Variants in PHLDB2 observed in about 807,000 individuals in gnomAD.
PHLDB2 encodes pleckstrin homology like domain family B member 2.
A neutral mutation model predicts 123.6 loss-of-function variants in PHLDB2; 71 were observed. The observed-to-expected ratio is 0.57, with a 90% CI of 0.47 to 0.70. PHLDB2 has a LOEUF of 0.70. Ranked by LOEUF, PHLDB2 falls within the 30% of genes least tolerant of loss-of-function variation. The probability of loss-of-function intolerance (pLI) is 0.00; values close to 1 mark genes in which losing one functional copy is unlikely to be tolerated. For missense variants in PHLDB2, 1,446 were observed against 1,519.5 expected, an observed-to-expected ratio of 0.95 and a Z score of 0.80; for synonymous variants, 547 against 541.6, an observed-to-expected ratio of 1.01 and a Z score of -0.14.
intron 2 of PHLDB2, among the ~76,000 whole-genome samples, chr3:111,896,229 A>T (rs533564984): frequency 9.2e-5 from 14 of 152,314 alleles, no homozygotes; most frequent in Admixed American, 7.2e-4. Flanking sequence ...TTGGGATTAC[A>T]GGCGTGAGCC....
intron 2 of PHLDB2, among the ~76,000 whole-genome samples, chr3:111,846,640 A>G (rs1358278521): frequency 6.6e-6 from 1 of 152,134 alleles, no homozygotes; most frequent in East Asian, 1.9e-4. Flanking sequence ...TCATTTACTC[A>G]TTGTGCTAAG....
intron 5 of PHLDB2, among the ~76,000 whole-genome samples, chr3:111,923,991 C>CCAGCCTTTCTGTCAG: frequency 6.6e-6 from 1 of 152,254 alleles, no homozygotes. Context: ...TGATCTGTCA[C>CCAGCCTTTCTGTCAG]CAGCCTTTCT....
chr3:111,955,488 G>A (rs926986401), intron 12 of PHLDB2, among the ~76,000 whole-genome samples: 1 of 151,994 alleles, frequency 6.6e-6, no homozygotes, highest in African/African-American at 2.4e-5. Context: ...TCACTCTGTT[G>A]TCCAGGCTGG....
chr3:111,781,473 C>T (rs2060474761), intron 1 of PHLDB2, among the ~76,000 whole-genome samples: 1 of 152,064 alleles, frequency 6.6e-6, no homozygotes, highest in African/African-American at 2.4e-5. Flanking sequence ...TGTAATGCTC[C>T]AATACCAATA....
chr3:111,754,274 A>G (rs1479246806), intron 1 of PHLDB2, among the ~76,000 whole-genome samples: 1 of 144,010 alleles, frequency 6.9e-6, no homozygotes, highest in Non-Finnish European at 1.5e-5. Flanking sequence ...GATTCTTCCT[A>G]CCCATGAGCA....
At chr3:111,818,452 C>T (rs2108382791) in intron 1 of PHLDB2, among the ~76,000 whole-genome samples, 1 of 152,232 alleles carries the variant, frequency 6.6e-6, no homozygotes, top group East Asian at 1.9e-4. Flanking sequence ...TACAAAGTCT[C>T]AAATCTTCTA....
At chr3:111,746,982 C>T (rs1176177218) in intron 1 of PHLDB2, among the ~76,000 whole-genome samples, 1 of 152,120 alleles carries the variant, frequency 6.6e-6, no homozygotes, top group Non-Finnish European at 1.5e-5. Context: ...AACGTTTCCA[C>T]CTAGAATTCT....
rs768541883 is a variant in PHLDB2 at position 111,913,659 on chromosome 3, C to T, written c.1676C>T (p.Pro559Leu). Residue 559 changes from proline (P) to leucine (L), a missense_variant, in exon 3 of 18, where the codon CCG (proline) becomes CTG (leucine). Transcript: ENST00000431670. ...RTPPPPSSTF[P>L]KASSESSYLS... ...CCTCCACCACCATCCTCCACCTTTC[C>T]GAAAGCTTCCAGCGAGTCCTCTTAT... 8.1e-6 allele frequency: 13 copies of T among 1,613,690 alleles called. No homozygotes were observed. The highest frequency in any genetic ancestry group is 2.7e-5 in the African/African-American group (2 of 74,892).
chr3:111,899,745 A>G (rs1045212167), intron 2 of PHLDB2, among the ~76,000 whole-genome samples: 4 of 152,150 alleles, frequency 2.6e-5, no homozygotes. Context: ...TAAGTCCTAG[A>G]TGGCATCTTC....
chr3:111,952,736 G>T (rs766285006), intron 11 of PHLDB2, 24 bp downstream of exon 11: 1 of 1,601,938 alleles, frequency 6.2e-7, no homozygotes, highest in Non-Finnish European at 8.5e-7. Context: ...GAAACCACGG[G>T]CTTCCCATTC....
Position 111,885,153 on chromosome 3 carries a change from A to G in PHLDB2, c.1076A>G (p.Tyr359Cys). The stretch of plus-strand genomic sequence containing the variant: ...TCTGATGACTTTGATCAGGCTTCAT[A>G]TGTGGGGACAAACCCGAGTCATTCA... The part of the protein sequence containing the change: ...CASDDFDQAS[Y>C]VGTNPSHSLL... Residue 359 changes from tyrosine (Y) to cysteine (C), a missense_variant, in exon 2 of 18, where the codon TAT becomes TGT. This residue lies in a region of PHLDB2 where 832 missense variants were observed against 831.9 expected (regional missense o/e 1.00). Coordinates refer to ENST00000431670, the MANE Select transcript of PHLDB2 (RefSeq NM_001134438.2). 6.2e-6 allele frequency: 10 copies of G among 1,614,018 alleles called. No homozygotes were observed. Among genetic ancestry groups the G allele is most frequent in the Non-Finnish European group, 7.6e-6 (9 of 1,180,002 alleles).
chr3:111,855,829 G>C (rs748624563), upstream of PHLDB2, among the ~76,000 whole-genome samples: 8 of 151,840 alleles, frequency 5.3e-5, no homozygotes, highest in African/African-American at 1.2e-4. Context: ...GACGGGTTTT[G>C]CCATGTTGGC....
intron 1 of PHLDB2, among the ~76,000 whole-genome samples, chr3:111,776,255 C>A (rs2060266291): frequency 1.3e-5 from 2 of 152,102 alleles, no homozygotes; most frequent in Non-Finnish European, 1.5e-5. Context: ...CATTCCACAT[C>A]TCTTTGTCAA....
rs745319811 is a variant in PHLDB2 at position 111,869,711 on chromosome 3, G to GTGTT, written c.-15+10138_-15+10139insTTGT. ...ACAGCATGTGTGTCTGTCTCTGTGT[G>GTGTT]TGTGTGTGTGTGTGTGTGTGTCTAC... On this transcript the variant is annotated intron_variant, in intron 1 of 17. Coordinates refer to ENST00000431670, the MANE Select transcript of PHLDB2 (RefSeq NM_001134438.2). 4.0e-3 allele frequency among the ~76,000 whole-genome samples: 130 copies of GTGTT among 32,668 alleles called. No homozygotes were observed. In the Middle Eastern group the frequency reaches 0.083, roughly 21 times the overall value. 21.4% of individuals were successfully genotyped at this position (32,668 alleles called of 152,430 possible). A position where few individuals can be genotyped will look rare whatever the true frequency, so the allele number is the denominator to read the frequency against.
intron 2 of PHLDB2, among the ~76,000 whole-genome samples, chr3:111,900,230 T>C (rs925647396): frequency 6.6e-6 from 1 of 152,240 alleles, no homozygotes; most frequent in African/African-American, 2.4e-5. Flanking sequence ...TTTCTTATCA[T>C]TTGTGCGTGA....
intron 1 of PHLDB2, among the ~76,000 whole-genome samples, chr3:111,821,492 C>A (rs542610541): frequency 1.3e-5 from 2 of 152,198 alleles, no homozygotes; most frequent in South Asian, 4.1e-4. Flanking sequence ...TGCTGTAGCT[C>A]GAGGCCAAAG....
intron 1 of PHLDB2, among the ~76,000 whole-genome samples, chr3:111,817,987 C>T (rs912061707): frequency 4.6e-5 from 7 of 151,930 alleles, no homozygotes. Flanking sequence ...GCTATGGTGC[C>T]TTATTTTATT....
intron 1 of PHLDB2, among the ~76,000 whole-genome samples, chr3:111,764,675 G>C (rs2060050043): frequency 1.3e-5 from 2 of 152,190 alleles, no homozygotes; most frequent in South Asian, 4.1e-4. Flanking sequence ...ATCACAGGTA[G>C]GGCACCAGCA....
At chr3:111,928,926 T>C (rs1204721012) in intron 5 of PHLDB2, among the ~76,000 whole-genome samples, 1 of 152,176 alleles carries the variant, frequency 6.6e-6, no homozygotes, top group Non-Finnish European at 1.5e-5. Flanking sequence ...TTCCTTCTAA[T>C]CTTAATTTTT....
Sources: allele counts gnomAD v4.1 joint callset (sites outside exome capture counted in the v4.1 genomes callset), GRCh38; gene constraint gnomAD v4.1.1; regional missense constraint gnomAD v4.1.1; transcripts MANE v1.5; gene names NCBI Gene and HGNC (gene_info 2026-07-23, HGNC 2026-07-21).